Variants in WDR1 observed in about 807,000 individuals in gnomAD.
The protein encoded by WDR1 is WD repeat-containing protein 1.
Under a neutral mutation model 71.9 loss-of-function variants are expected in WDR1, and 21 were observed. The ratio of observed to expected loss-of-function variants is 0.29; its 90% CI spans 0.21 to 0.42. The LOEUF (loss-of-function observed/expected upper bound fraction) is 0.42, where lower values mean the gene tolerates loss of function less well. WDR1 is among the 10% of genes least tolerant of loss of function. WDR1 has a pLI of 1.00. For missense variants in WDR1, 696 were observed against 824.5 expected (o/e 0.84, Z 1.91); for synonymous variants, 424 against 347.4 (o/e 1.22, Z -2.45).
intron 4 of WDR1, 63 bp downstream of exon 4, chr4:10,098,929 C>T (rs1712519879): frequency 4.4e-6 from 7 of 1,601,576 alleles, no homozygotes; most frequent in Non-Finnish European, 6.0e-6. Flanking sequence ...CTCCCAGGGT[C>T]ATAGCACATG....
chr4:10,103,833 C>A (rs1712852822), intron 3 of WDR1, 63 bp downstream of exon 3: 3 of 1,444,698 alleles, frequency 2.1e-6, no homozygotes, highest in Non-Finnish European at 2.8e-6. Context: ...CCAGCTTCGC[C>A]CTGGGCCCTG....
intron 8 of WDR1, among the ~76,000 whole-genome samples, chr4:10,085,481 A>C (rs560310354): frequency 6.6e-6 from 1 of 152,276 alleles, no homozygotes; most frequent in African/African-American, 2.4e-5. Context: ...GCCTCCTTCC[A>C]ATGTGGCATC....
At chr4:10,093,783 C>A (rs955486973) in intron 5 of WDR1, among the ~76,000 whole-genome samples, 1 of 147,432 alleles carries the variant, frequency 6.8e-6, no homozygotes, top group Non-Finnish European at 1.5e-5. Flanking sequence ...GGGAGGCGGT[C>A]CTGCATGCCC....
intron 2 of WDR1, among the ~76,000 whole-genome samples, chr4:10,106,199 T>C (rs1454730624): frequency 6.6e-6 from 1 of 152,292 alleles, no homozygotes; most frequent in Non-Finnish European, 1.5e-5. Flanking sequence ...AGGTCATCTG[T>C]CAAGATCCAA....
chr4:10,110,077 C>T (rs1217339329), intron 2 of WDR1, among the ~76,000 whole-genome samples: 1 of 151,924 alleles, frequency 6.6e-6, no homozygotes, highest in East Asian at 1.9e-4. Context: ...CAGGGGTATA[C>T]ACTGGATTGG....
Position 10,088,370 on chromosome 4 carries a change from A to T in WDR1, c.640T>A (p.Tyr214Asn). The T allele has an allele frequency of 1.3e-6, 2 of 1,555,934 alleles. No individual in the cohort carries two copies. The highest frequency in any genetic ancestry group is 1.7e-6 in the Non-Finnish European group (2 of 1,149,292). The change falls in exon 7 of 15, where the codon TAC (tyrosine) becomes AAC (asparagine). Residue 214 changes from tyrosine (Y) to asparagine (N), a missense_variant. Coordinates refer to ENST00000499869, the MANE Select transcript of WDR1 (RefSeq NM_017491.5). ...FATASADGQI[Y>N]IYDGKTGEKV... ...TCCCCAGTCTTCCCGTCATAGATGT[A>T]TATCTTCCAAGAAATAAAAACATGT... is the stretch of plus-strand genomic sequence containing the variant.
chr4:10,094,057 C>CA (rs1330515636), intron 5 of WDR1, among the ~76,000 whole-genome samples: 1 of 152,218 alleles, frequency 6.6e-6, no homozygotes, highest in Admixed American at 6.5e-5. Context: ...GGCAATGGAA[C>CA]AGAGGGAGCA....
intron 3 of WDR1, among the ~76,000 whole-genome samples, chr4:10,102,672 G>A (rs1425912354): frequency 2.0e-5 from 3 of 152,138 alleles, no homozygotes; most frequent in Admixed American, 1.3e-4. Context: ...AGACAGAGCC[G>A]AACCCAGGTC....
chr4:10,083,170 C>G lies in WDR1; in HGVS notation c.1048G>C (p.Asp350His), dbSNP rs1042822454. 3.7e-6 allele frequency: 6 copies of G among 1,613,504 alleles called. No individual in the cohort carries two copies. The Admixed American group carries it at 5.0e-5, about 13-fold the overall frequency. The part of the protein sequence containing the change: ...GSHDGHINYW[D>H]SETGENDSFA... ...GAGTCGTTCTCCCCCGTCTCTGAAT[C>G]CCAGTAATGTAGGGTGGGGTTAAGG... The change falls in exon 10 of 15, where the codon GAT (aspartate) becomes CAT (histidine). Residue 350 changes from aspartate to histidine, a missense_variant. Transcript: ENST00000499869.
intron 3 of WDR1, among the ~76,000 whole-genome samples, chr4:10,100,399 CCAACTAGTCTT>C (rs766735926): frequency 1.8e-4 from 28 of 152,234 alleles, no homozygotes; most frequent in Admixed American, 3.3e-4. Flanking sequence ...TGCGAAGTCT[CCAACTAGTCTT>C]CAGTGCACAG....
chr4:10,114,374 G>A lies in WDR1; in HGVS notation c.138+1739C>T, dbSNP rs190127861. 1.4e-4 allele frequency among the ~76,000 whole-genome samples: 22 copies of A among 152,298 alleles called. 1 individual carries two copies. The highest frequency in any genetic ancestry group is 3.9e-4 in the Admixed American group (6 of 15,300). On this transcript the variant is annotated intron_variant, in intron 2 of 14. Coordinates refer to ENST00000499869, the MANE Select transcript of WDR1 (RefSeq NM_017491.5). ...CTGAATGACCACTCCATTAGAAGCA[G>A]CTCCAGTTACTGGCCTGCCTCACCT...
At chr4:10,099,857 A>T (rs1278398788) in intron 3 of WDR1, among the ~76,000 whole-genome samples, 1 of 152,242 alleles carries the variant, frequency 6.6e-6, no homozygotes, top group African/African-American at 2.4e-5. Context: ...GGGAAGGAGA[A>T]TTACACACAG....
intron 10 of WDR1, among the ~76,000 whole-genome samples, 177 bp from the exon 11 acceptor site, chr4:10,081,621 G>C (rs1456134112): frequency 7.2e-6 from 1 of 137,944 alleles, no homozygotes; most frequent in East Asian, 2.3e-4. Flanking sequence ...CATGACTCTG[G>C]TGCAAAGAGA....
At chr4:10,082,972 G>T (rs771034698) in intron 10 of WDR1, 50 bp downstream of exon 10, 1 of 1,569,256 alleles carries the variant, frequency 6.4e-7, no homozygotes, top group Non-Finnish European at 8.7e-7. Flanking sequence ...CAAGCCCTCC[G>T]AGGGGAGCTG....
intron 13 of WDR1, 110 bp from the exon 14 acceptor site, chr4:10,077,558 C>T (rs943735975): frequency 1.8e-5 from 28 of 1,544,372 alleles, no homozygotes; most frequent in East Asian, 4.5e-5. Flanking sequence ...GTTTCTCACG[C>T]GCTAACTCTA....
At chr4:10,089,077 A>G (rs1238685510) in intron 5 of WDR1, among the ~76,000 whole-genome samples, 1 of 151,970 alleles carries the variant, frequency 6.6e-6, no homozygotes, top group Non-Finnish European at 1.5e-5. Flanking sequence ...TCAAGCCCCA[A>G]TCCTTAAGCT....
chr4:10,099,012 C>T lies in WDR1; in HGVS notation c.357G>A (p.Val119=). The T allele has an allele frequency of 6.2e-7, 1 of 1,614,020 alleles. No homozygotes were observed. Residue 119 remains valine (V), a synonymous_variant, in exon 4 of 15, where the codon GTG becomes GTA. Coordinates refer to ENST00000499869, the MANE Select transcript of WDR1 (RefSeq NM_017491.5). ...CTCACTTCTCCCTTCCTTCCCCGAC[C>T]ACGGCGATCCTCTTACTGTCTTCAG... ...AWTEDSKRIA[V]VGEGREKFGA...
chr4:10,090,938 C>T (rs1711936339), intron 5 of WDR1, among the ~76,000 whole-genome samples: 1 of 152,254 alleles, frequency 6.6e-6, no homozygotes, highest in Non-Finnish European at 1.5e-5. Flanking sequence ...AGGTTGTGGT[C>T]ACCGCCCAAG....
intron 10 of WDR1, 116 bp downstream of exon 10, chr4:10,082,906 G>A: frequency 4.6e-6 from 6 of 1,314,118 alleles, no homozygotes; most frequent in South Asian, 1.5e-5. Context: ...GGACGGGGTG[G>A]GAGAGATGAA....
Sources: allele counts gnomAD v4.1 joint callset (sites outside exome capture counted in the v4.1 genomes callset), GRCh38; gene constraint gnomAD v4.1.1; transcripts MANE v1.5; gene names NCBI Gene and HGNC (gene_info 2026-07-23, HGNC 2026-07-21).